SENP6: variants seen among roughly 807,000 people sequenced by gnomAD.
SENP6 encodes sentrin-specific protease 6.
In SENP6, 41 loss-of-function variants were observed where a neutral mutation model predicts 134.5. The observed-to-expected ratio is 0.30, with a 90% confidence interval of 0.24 to 0.40. The LOEUF (loss-of-function observed/expected upper bound fraction) is 0.40, where lower values mean the gene tolerates loss of function less well. SENP6 is among the 10% of genes least tolerant of loss of function. The pLI is 1.00. For missense variants in SENP6, 1,248 were observed against 1,312.5 expected (o/e 0.95, Z 0.76); for synonymous variants, 395 against 429.8 (o/e 0.92, Z 1.00).
intron 16 of SENP6, among the ~76,000 whole-genome samples, chr6:75,682,801 A>G (rs1341701882): frequency 6.6e-6 from 1 of 152,116 alleles, no homozygotes; most frequent in Non-Finnish European, 1.5e-5. Flanking sequence ...AATCCAGTCT[A>G]TCATTGATGG....
Position 75,602,419 on chromosome 6 carries a change from C to G in SENP6, c.-106C>G, listed in dbSNP as rs1387165598. ...CCGCCTGACGGCTGAGCCCGAGGCC[C>G]GCAACCCTGCGGCGTCTACCCTCCT... is the stretch of plus-strand genomic sequence containing the variant. On this transcript the variant is annotated 5_prime_UTR_variant, in exon 1 of 24. Transcript: ENST00000447266. 1.5e-6 allele frequency: 2 copies of G among 1,351,746 alleles called. No homozygotes were observed. Among genetic ancestry groups the G allele is most frequent in the African/African-American group, 2.9e-5 (2 of 69,124 alleles). 83.7% of individuals were successfully genotyped at this position (1,351,746 alleles called of 1,614,324 possible). A position where few individuals can be genotyped will look rare whatever the true frequency, so the allele number is the denominator to read the frequency against.
chr6:75,631,135 ATTC>A (rs1769083350), intron 3 of SENP6, among the ~76,000 whole-genome samples: 1 of 151,786 alleles, frequency 6.6e-6, no homozygotes, highest in Middle Eastern at 3.2e-3. Context: ...TACTGTTTCA[ATTC>A]TTTGTTTTTC....
At chr6:75,690,513 A>T (rs1417131044) in intron 16 of SENP6, among the ~76,000 whole-genome samples, 1 of 152,152 alleles carries the variant, frequency 6.6e-6, no homozygotes, top group African/African-American at 2.4e-5. Flanking sequence ...AATAGAATTG[A>T]TGTTTACTGG....
chr6:75,665,460 A>G (rs1176206386), intron 9 of SENP6, among the ~76,000 whole-genome samples: 2 of 152,218 alleles, frequency 1.3e-5, no homozygotes, highest in African/African-American at 4.8e-5. Flanking sequence ...AAATTGGATA[A>G]ATAGGCAGGG....
At position 75,716,749 on chromosome 6, in the gene SENP6, G is replaced by C. The variant is rs1235272400; in HGVS notation, c.*1155G>C. 2 of 151,812 alleles carry C rather than the reference G, an allele frequency of 1.3e-5. No individual in the cohort carries two copies. The highest frequency in any genetic ancestry group is 6.6e-5 in the Admixed American group (1 of 15,230). 9.4% of individuals were successfully genotyped at this position (151,812 alleles called of 1,614,324 possible). A position where few individuals can be genotyped will look rare whatever the true frequency, so the allele number is the denominator to read the frequency against. On this transcript the variant is annotated 3_prime_UTR_variant, in exon 24 of 24. Coordinates refer to ENST00000447266, the MANE Select transcript of SENP6 (RefSeq NM_015571.4). ...TGTATACTTCTTTCAAATGAACTTT[G>C]AGACTTGAAACATATTTTAGTCATT...
In SENP6 at chr6:75,703,220, C is replaced by T. The variant is rs1775162132; in HGVS notation, c.2716+148C>T. The stretch of plus-strand genomic sequence containing the variant: ...CTTATAATCCCAGCACTTTGGGAGG[C>T]CAAGGCAGGAGGATCACTTGAGGCC... On this transcript the variant is annotated intron_variant, in intron 19 of 23. Coordinates refer to ENST00000447266, the MANE Select transcript of SENP6 (RefSeq NM_015571.4). 1.1e-5 allele frequency: 7 copies of T among 665,930 alleles called. No individual in the cohort carries two copies. In the East Asian group the frequency reaches 2.1e-4, roughly 20 times the overall value. 41.3% of individuals were successfully genotyped at this position (665,930 alleles called of 1,614,324 possible).
intron 1 of SENP6, 28 bp downstream of exon 1, chr6:75,602,604 AGAAG>A: frequency 6.5e-7 from 1 of 1,548,756 alleles, no homozygotes; most frequent in South Asian, 1.2e-5. Context: ...CTTGACGGGG[AGAAG>A]GGAGGGTATA....
chr6:75,629,134 G>A lies in SENP6; in HGVS notation c.208-4447G>A, dbSNP rs1440158657. On this transcript the variant is annotated intron_variant, in intron 3 of 23. Coordinates refer to ENST00000447266, the MANE Select transcript of SENP6 (RefSeq NM_015571.4). ...TTAGGTACTGGCCTTCCAGATTTTGGATAAATATACTAAAAAAGCTTTACC... is the reference window on the plus strand; with the variant it reads ...TTAGGTACTGGCCTTCCAGATTTTGAATAAATATACTAAAAAAGCTTTACC... Among the ~76,000 whole-genome samples, 4 of 152,076 alleles carry A rather than the reference G, an allele frequency of 2.6e-5. No individual in the cohort carries two copies. In the South Asian group the frequency reaches 6.2e-4, roughly 24 times the overall value.
intron 5 of SENP6, among the ~76,000 whole-genome samples, chr6:75,638,622 A>ATT (rs57353168): frequency 1.3e-4 from 4 of 29,892 alleles, no homozygotes; most frequent in African/African-American, 5.3e-4. Flanking sequence ...ATATATATAT[A>ATT]TTTTTTTTTT....
rs1039487584 is a variant in SENP6 at position 75,606,429 on chromosome 6, A to T, written c.52+3853A>T. Among the ~76,000 whole-genome samples, 6 of 152,178 alleles carry T rather than the reference A, an allele frequency of 3.9e-5. No homozygotes were observed. In the South Asian group the frequency reaches 1.0e-3, roughly 26 times the overall value. The stretch of plus-strand genomic sequence containing the variant: ...TTTGGCAGGTTGCTCCCCTGTATTT[A>T]TTCAGTCAACAGATACTTATTGAAC... On this transcript the variant is annotated intron_variant, in intron 1 of 23. Transcript: ENST00000447266.
At chr6:75,670,760 AT>A in intron 11 of SENP6, 40 bp downstream of exon 11, 3 of 1,253,306 alleles carry the variant, frequency 2.4e-6, no homozygotes, top group Non-Finnish European at 3.1e-6. Flanking sequence ...CAATTATAAC[AT>A]TAAAAATTCC....
rs1447400616 is a variant in SENP6, at chr6:75,716,886, T to A, written c.*1292T>A. ...TTTTTAATTTGGCCATCTCTGACAT[T>A]GCAGTCAATATCTTAGGGTATTTTC... is the stretch of plus-strand genomic sequence containing the variant. On this transcript the variant is annotated 3_prime_UTR_variant, in exon 24 of 24. Coordinates refer to ENST00000447266, the MANE Select transcript of SENP6 (RefSeq NM_015571.4). 1 of 151,972 alleles carries A rather than the reference T, an allele frequency of 6.6e-6. No homozygotes were observed. The highest frequency in any genetic ancestry group is 1.9e-4 in the East Asian group (1 of 5,206). The allele number at this position is 151,972 out of a possible 1,614,324, so 9.4% of individuals were successfully genotyped here.
intron 9 of SENP6, among the ~76,000 whole-genome samples, chr6:75,664,962 CTGTG>C (rs1245168390): frequency 6.6e-6 from 1 of 152,094 alleles, no homozygotes; most frequent in Admixed American, 6.6e-5. Context: ...GTTAATTTGA[CTGTG>C]TGTGTGCTTA....
chr6:75,678,620 AAGAATTTC>A lies in SENP6; in HGVS notation c.1889_1896del (p.Glu630ValfsTer3). On this transcript the variant is annotated frameshift_variant, in exon 15 of 24. Coordinates refer to ENST00000447266, the MANE Select transcript of SENP6 (RefSeq NM_015571.4). LOFTEE classifies it high-confidence loss of function. ...TCTAAAATACAACTTAGAAGCAAACAAGAATTTCAGTTTTTTGATGAAGAAGAAGAAAC... is the reference window on the plus strand; with the variant it reads ...TCTAAAATACAACTTAGAAGCAAACAAGTTTTTTGATGAAGAAGAAGAAAC... The A allele has an allele frequency of 6.3e-7, 1 of 1,598,094 alleles. No homozygotes were observed. The highest frequency in any genetic ancestry group is 8.6e-7 in the Non-Finnish European group (1 of 1,168,104).
At chr6:75,683,019 C>T (rs1437635708) in intron 16 of SENP6, among the ~76,000 whole-genome samples, 2 of 152,176 alleles carry the variant, frequency 1.3e-5, no homozygotes, top group Non-Finnish European at 2.9e-5. Flanking sequence ...TACACTCCCA[C>T]CAACTGTGTA....
At chr6:75,707,249 C>T (rs1482022845) in intron 19 of SENP6, among the ~76,000 whole-genome samples, 2 of 149,598 alleles carry the variant, frequency 1.3e-5, no homozygotes, top group Non-Finnish European at 3.0e-5. Flanking sequence ...AGATTTTGGA[C>T]AAATGTTATT....
chr6:75,713,940 C>T (rs2149909175), intron 23 of SENP6, 115 bp downstream of exon 23: 1 of 833,840 alleles, frequency 1.2e-6, no homozygotes, highest in East Asian at 2.8e-5. Context: ...ATTATTGTTT[C>T]AAAAATTATT....
intron 7 of SENP6, among the ~76,000 whole-genome samples, chr6:75,653,565 C>T (rs1020937075): frequency 1.3e-5 from 2 of 151,572 alleles, no homozygotes; most frequent in Non-Finnish European, 2.9e-5. Context: ...TCCCTCAATG[C>T]GTTTGGGTGA....
At chr6:75,711,963 G>T (rs376458295) in intron 21 of SENP6, among the ~76,000 whole-genome samples, 1 of 152,270 alleles carries the variant, frequency 6.6e-6, no homozygotes, top group South Asian at 2.1e-4. Context: ...GTGACCCATC[G>T]CGCCCGGCCA....
Sources: gnomAD v4.1 joint callset for allele counts (sites outside exome capture counted in the v4.1 genomes callset) on GRCh38, gnomAD v4.1.1 for gene constraint, MANE v1.5 for transcripts, NCBI Gene and HGNC (gene_info 2026-07-23, HGNC 2026-07-21) for gene names.